The following SMYD3 variants were observed in gnomAD, a reference collection of about 807,000 sequenced individuals.
SMYD3 encodes SET and MYND domain containing 3, also known as histone-lysine N-methyltransferase SMYD3.
A neutral mutation model predicts 57.7 loss-of-function variants in SMYD3; 36 were observed. That is an observed-to-expected ratio of 0.62 (90% CI 0.48 to 0.82). The LOEUF (loss-of-function observed/expected upper bound fraction) is 0.82. SMYD3 is among the 40% of genes least tolerant of loss of function. SMYD3 has a pLI of 0.00. For missense variants in SMYD3, 515 were observed against 538.8 expected (o/e 0.96, Z 0.44); for synonymous variants, 211 against 195.0 (o/e 1.08, Z -0.68).
At chr1:245,780,234 T>C (rs2046775432) in intron 10 of SMYD3, among the ~76,000 whole-genome samples, 1 of 152,240 alleles carries the variant, frequency 6.6e-6, no homozygotes, top group Admixed American at 6.5e-5. Flanking sequence ...CGAATGTTTA[T>C]AGCAGTGCTA....
At chr1:246,002,677 C>G (rs577129514) in intron 5 of SMYD3, among the ~76,000 whole-genome samples, 1,593 of 107,640 alleles carry the variant, frequency 0.015, 505 homozygotes, top group East Asian at 0.045. Flanking sequence ...TGGTCTCGAT[C>G]TCCTGACCTC....
chr1:245,988,350 T>C (rs1039888263), intron 5 of SMYD3: 2 of 152,338 alleles, frequency 1.3e-5, no homozygotes, highest in South Asian at 4.1e-4. Context: ...TTATTTTCTC[T>C]GAGTCTCAGT....
chr1:245,775,275 G>A (rs1415130739), intron 10 of SMYD3, among the ~76,000 whole-genome samples: 1 of 146,940 alleles, frequency 6.8e-6, no homozygotes, highest in Non-Finnish European at 1.5e-5. Flanking sequence ...TCGAGTGGAA[G>A]GGGGGAAGTG....
In SMYD3 at chr1:245,927,923, T is replaced by C; in HGVS notation, c.702+8A>G. The C allele has an allele frequency of 2.5e-6, 4 of 1,607,448 alleles. No homozygotes were observed. Among genetic ancestry groups the C allele is most frequent in the Non-Finnish European group, 3.4e-6 (4 of 1,176,268 alleles). On this transcript the variant is annotated splice_region_variant and intron_variant, in intron 7 of 11. Transcript: ENST00000490107. ...GAAGGCCAGGCTGGGAAGCATGAGT[T>C]TCCTTACCTCCTCTCCCACCTCGAT...
At chr1:246,339,705 C>T (rs1256883157) in intron 2 of SMYD3, among the ~76,000 whole-genome samples, 1 of 152,186 alleles carries the variant, frequency 6.6e-6, no homozygotes, top group Non-Finnish European at 1.5e-5. Flanking sequence ...GTGCTGGAAA[C>T]GTAATCCCCA....
intron 1 of SMYD3, among the ~76,000 whole-genome samples, chr1:246,391,269 A>G (rs550762345): frequency 1.3e-5 from 2 of 151,154 alleles, no homozygotes; most frequent in Admixed American, 6.6e-5. Flanking sequence ...ATTCCTAGAT[A>G]CATGGGAGGC....
At chr1:246,436,159 G>A (rs1404430438) in intron 1 of SMYD3, among the ~76,000 whole-genome samples, 10 of 147,808 alleles carry the variant, frequency 6.8e-5, no homozygotes, top group Non-Finnish European at 1.2e-4. Flanking sequence ...AATGTGTCGG[G>A]AGAAAAACTA....
intron 5 of SMYD3, among the ~76,000 whole-genome samples, chr1:245,978,976 A>G (rs1431724626): frequency 2.6e-5 from 4 of 152,196 alleles, no homozygotes; most frequent in Non-Finnish European, 1.5e-5. Flanking sequence ...CTTGGCAGGT[A>G]TGCATTGCTA....
At chr1:246,303,838 C>T (rs887746949) in intron 5 of SMYD3, among the ~76,000 whole-genome samples, 22 of 152,228 alleles carry the variant, frequency 1.4e-4, no homozygotes, top group Middle Eastern at 3.4e-3. Flanking sequence ...TTTGCTAGCA[C>T]AGAAGATGCA....
At chr1:245,916,831 C>A (rs990957738) in intron 7 of SMYD3, among the ~76,000 whole-genome samples, 1 of 152,094 alleles carries the variant, frequency 6.6e-6, no homozygotes, top group Non-Finnish European at 1.5e-5. Context: ...ACAACAGCTC[C>A]CCACTTTGCC....
chr1:245,825,851 T>A (rs10802272), intron 10 of SMYD3, among the ~76,000 whole-genome samples: 109,681 of 147,692 alleles, frequency 0.74, 41,648 homozygotes, highest in Non-Finnish European at 0.84. Flanking sequence ...TTAAGTAACT[T>A]GCCCAAGGTC....
chr1:245,779,742 G>T (rs1572316084), intron 10 of SMYD3, among the ~76,000 whole-genome samples: 2 of 152,278 alleles, frequency 1.3e-5, no homozygotes, highest in East Asian at 3.9e-4. Flanking sequence ...TGTTTGTGAA[G>T]ATGTGGAAGA....
At chr1:245,944,544 T>C (rs1392906785) in intron 5 of SMYD3, among the ~76,000 whole-genome samples, 1 of 152,222 alleles carries the variant, frequency 6.6e-6, no homozygotes, top group African/African-American at 2.4e-5. Context: ...GAAATCTTTA[T>C]TATGAAAATA....
chr1:246,221,459 A>AT (rs2063252321), intron 5 of SMYD3, among the ~76,000 whole-genome samples: 1 of 152,210 alleles, frequency 6.6e-6, no homozygotes, highest in Non-Finnish European at 1.5e-5. Context: ...GTTGTGGGCA[A>AT]AGAGAAGGAG....
chr1:246,485,343 CAG>C (rs996780947), intron 1 of SMYD3, among the ~76,000 whole-genome samples: 8 of 152,286 alleles, frequency 5.3e-5, no homozygotes, highest in African/African-American at 1.7e-4. Context: ...TACACACTAC[CAG>C]AGTTTTATAG....
intron 5 of SMYD3, among the ~76,000 whole-genome samples, chr1:246,324,217 C>A (rs1030990706): frequency 1.8e-4 from 28 of 151,972 alleles, no homozygotes; most frequent in African/African-American, 5.6e-4. Flanking sequence ...GAGATTGAGA[C>A]CAGCCTGGCC....
intron 5 of SMYD3, among the ~76,000 whole-genome samples, chr1:245,953,932 T>C (rs1251893717): frequency 1.3e-5 from 2 of 152,228 alleles, no homozygotes; most frequent in Non-Finnish European, 2.9e-5. Flanking sequence ...AGCAAGATTT[T>C]CAACAATGAT....
intron 8 of SMYD3, among the ~76,000 whole-genome samples, chr1:245,866,612 A>G (rs1458440178): frequency 6.6e-6 from 1 of 152,138 alleles, no homozygotes; most frequent in African/African-American, 2.4e-5. Context: ...CACGCCTGTA[A>G]TCCCAGATAC....
intron 5 of SMYD3, among the ~76,000 whole-genome samples, chr1:246,060,710 T>C (rs934772344): frequency 3.9e-5 from 6 of 152,220 alleles, no homozygotes; most frequent in African/African-American, 1.2e-4. Context: ...ATCTCATGTC[T>C]GGCATAATCA....
Sources: allele counts gnomAD v4.1 joint callset (sites outside exome capture counted in the v4.1 genomes callset), GRCh38; gene constraint gnomAD v4.1.1; transcripts MANE v1.5; gene names NCBI Gene and HGNC (gene_info 2026-07-23, HGNC 2026-07-21).